TRAPPC11: variants seen among roughly 807,000 people sequenced by gnomAD.
The protein encoded by TRAPPC11 is foie gras homolog.
TRAPPC11 carries 104 observed loss-of-function variants against 151.2 expected under a neutral mutation model. That is an observed-to-expected ratio of 0.69 (90% CI 0.59 to 0.81). The LOEUF (loss-of-function observed/expected upper bound fraction) is 0.81, where lower values mean the gene tolerates loss of function less well. TRAPPC11 is among the 30% of genes least tolerant of loss of function. The pLI is 0.00. For missense variants in TRAPPC11, 1,230 were observed against 1,349.6 expected, an observed-to-expected ratio of 0.91 and a Z score of 1.39; for synonymous variants, 456 against 472.3, an observed-to-expected ratio of 0.97 and a Z score of 0.45.
At position 183,683,379 on chromosome 4, in the gene TRAPPC11, GGC is replaced by G. The variant is rs373118278; in HGVS notation, c.1207+555_1207+556del. Among the ~76,000 whole-genome samples the G allele has an allele frequency of 6.7e-3, 1,022 of 152,196 alleles. 4 individuals carry two copies. Among genetic ancestry groups the G allele is most frequent in the Middle Eastern group, 0.024 (7 of 294 alleles). On this transcript the variant is annotated intron_variant, in intron 11 of 29. Transcript: ENST00000334690. The stretch of plus-strand genomic sequence containing the variant: ...ATTGAACTATAACTGTTAAATTACT[GGC>G]TAGGCGAGGTGGCTCATGCCTGTAA...
At chr4:183,672,501 GTTTA>G (rs1169203160) in intron 5 of TRAPPC11, among the ~76,000 whole-genome samples, 3 of 152,146 alleles carry the variant, frequency 2.0e-5, no homozygotes, top group African/African-American at 7.2e-5. Flanking sequence ...TAGATTTGTC[GTTTA>G]TTTATTTATG....
intron 11 of TRAPPC11, among the ~76,000 whole-genome samples, chr4:183,683,155 C>CA (rs11461854): frequency 0.1 from 9,935 of 97,768 alleles, 395 homozygotes; most frequent in African/African-American, 0.14. Context: ...GACCTCATCT[C>CA]AAAAAAAAAA....
At chr4:183,695,942 C>T (rs1380442650) in intron 23 of TRAPPC11, among the ~76,000 whole-genome samples, 1 of 152,102 alleles carries the variant, frequency 6.6e-6, no homozygotes, top group African/African-American at 2.4e-5. Context: ...TTTGATTTTT[C>T]TAACAAGCCT....
At chr4:183,660,604 A>G (rs1734430714) in intron 1 of TRAPPC11, among the ~76,000 whole-genome samples, 2 of 152,234 alleles carry the variant, frequency 1.3e-5, no homozygotes, top group Admixed American at 6.5e-5. Flanking sequence ...CTCCATATTT[A>G]AAGACCACAG....
chr4:183,706,618 T>A (rs1439537405), intron 27 of TRAPPC11, among the ~76,000 whole-genome samples, 189 bp from the exon 28 acceptor site: 2 of 152,186 alleles, frequency 1.3e-5, no homozygotes, highest in African/African-American at 2.4e-5. Context: ...GACACTCATT[T>A]CCTTAGCCTG....
At chr4:183,661,757 CTTTTTTTTTTTT>C (rs562308106) in intron 1 of TRAPPC11, among the ~76,000 whole-genome samples, 1 of 100,108 alleles carries the variant, frequency 1.0e-5, no homozygotes, top group African/African-American at 4.0e-5. Flanking sequence ...TTTGGAATAA[CTTTTTTTTTTTT>C]TTTTTTTTTT....
intron 7 of TRAPPC11, 39 bp from the exon 8 acceptor site, chr4:183,677,419 T>C (rs781419201): frequency 7.4e-6 from 9 of 1,212,188 alleles, no homozygotes; most frequent in Non-Finnish European, 1.1e-5. Flanking sequence ...AAATCGTTTA[T>C]TAAACTAATT....
intron 7 of TRAPPC11, among the ~76,000 whole-genome samples, chr4:183,677,088 C>A (rs1417931767): frequency 6.6e-6 from 1 of 152,202 alleles, no homozygotes; most frequent in Non-Finnish European, 1.5e-5. Flanking sequence ...TTGATACCAC[C>A]TTTGCTAATA....
intron 5 of TRAPPC11, among the ~76,000 whole-genome samples, chr4:183,673,592 G>A (rs1442280459): frequency 1.3e-5 from 2 of 151,982 alleles, no homozygotes; most frequent in African/African-American, 4.8e-5. Context: ...GTAGATCACT[G>A]GAGCCCAGGA....
chr4:183,690,239 A>G (rs1050867388), intron 18 of TRAPPC11, among the ~76,000 whole-genome samples: 3 of 151,156 alleles, frequency 2.0e-5, no homozygotes, highest in Non-Finnish European at 4.4e-5. Flanking sequence ...AAAAAAAAGT[A>G]GAGTAGTTTT....
intron 23 of TRAPPC11, among the ~76,000 whole-genome samples, chr4:183,695,447 G>T (rs910013108): frequency 1.5e-4 from 23 of 152,216 alleles, no homozygotes; most frequent in African/African-American, 5.5e-4. Context: ...AAATAGGAAC[G>T]ATCACGGTTA....
At chr4:183,708,274 A>G in intron 28 of TRAPPC11, 133 bp from the exon 29 acceptor site, 2 of 910,856 alleles carry the variant, frequency 2.2e-6, no homozygotes, top group South Asian at 1.8e-5. Context: ...TGGAAGATGG[A>G]CTAGGAGAGA....
intron 23 of TRAPPC11, among the ~76,000 whole-genome samples, chr4:183,696,427 A>G (rs533357058): frequency 2.7e-4 from 41 of 151,896 alleles, no homozygotes; most frequent in Non-Finnish European, 4.4e-4. Flanking sequence ...ATGGGGTCTC[A>G]CTGTGTTGCC....
intron 5 of TRAPPC11, 78 bp from the exon 6 acceptor site, chr4:183,674,635 G>C: frequency 1.4e-6 from 1 of 728,542 alleles, no homozygotes; most frequent in Non-Finnish European, 2.2e-6. Context: ...TTTACTTTCA[G>C]GTCTCACAAA....
In TRAPPC11 at chr4:183,701,762, A is replaced by G. The variant is rs1425840906; in HGVS notation, c.2917A>G (p.Ile973Val). 1.9e-6 allele frequency: 3 copies of G among 1,613,944 alleles called. No homozygotes were observed. Among genetic ancestry groups the G allele is most frequent in the Non-Finnish European group, 2.5e-6 (3 of 1,179,958 alleles). ...TCTTCAATGCCCATCTCTTGGAAAT[A>G]TTGAAGGTGGAGTAGCAACCGGGCA... Reference protein sequence around the residue: ...FCLQCPSLGNIEGGVATGHYI... With the variant: ...FCLQCPSLGNVEGGVATGHYI... Residue 973 changes from isoleucine to valine, a missense_variant, in exon 26 of 30, where the codon ATT (isoleucine) becomes GTT (valine). Transcript: ENST00000334690.
Position 183,663,841 on chromosome 4 carries a change from T to C in TRAPPC11, c.-21-6T>C. ...AATTATGAATGTATTAACATTTGTA[T>C]TTCAGGTTTTTTGTGACATCGTAAA... is the stretch of plus-strand genomic sequence containing the variant. On this transcript the variant is annotated splice_region_variant and splice_polypyrimidine_tract_variant and intron_variant, in intron 1 of 29. Coordinates refer to ENST00000334690, the MANE Select transcript of TRAPPC11 (RefSeq NM_021942.6). 1 of 1,587,186 alleles carries C rather than the reference T, an allele frequency of 6.3e-7. No individual in the cohort carries two copies. Among genetic ancestry groups the C allele is most frequent in the South Asian group, 1.1e-5 (1 of 90,452 alleles).
intron 11 of TRAPPC11, 147 bp downstream of exon 11, chr4:183,682,972 C>T (rs1735773613): frequency 3.2e-6 from 2 of 630,478 alleles, no homozygotes; most frequent in Non-Finnish European, 5.6e-6. Context: ...TTTTAGAATG[C>T]TTTGTATGTA....
intron 5 of TRAPPC11, among the ~76,000 whole-genome samples, chr4:183,669,399 G>A (rs1432662133): frequency 1.3e-5 from 2 of 152,152 alleles, no homozygotes. Flanking sequence ...CTCCAGGCCT[G>A]GACAGCTCAC....
intron 11 of TRAPPC11, 97 bp from the exon 12 acceptor site, chr4:183,683,878 T>C (rs1194810858): frequency 1.0e-6 from 1 of 959,352 alleles, no homozygotes; most frequent in Non-Finnish European, 1.6e-6. Context: ...AATGATTATA[T>C]TAAATAAAGG....
Sources: gnomAD v4.1 joint callset for allele counts (sites outside exome capture counted in the v4.1 genomes callset) on GRCh38, gnomAD v4.1.1 for gene constraint, MANE v1.5 for transcripts, NCBI Gene and HGNC (gene_info 2026-07-23, HGNC 2026-07-21) for gene names.